Variants in CCDC68 observed in about 807,000 individuals in gnomAD.
The protein encoded by CCDC68 is coiled-coil domain-containing protein 68.
CCDC68 carries 45 observed loss-of-function variants against 47.1 expected under a neutral mutation model. That is an observed-to-expected ratio of 0.96 (90% CI 0.75 to 1.23). The LOEUF (loss-of-function observed/expected upper bound fraction) is 1.23. CCDC68 is among the 50% of genes most tolerant of loss of function. The probability of loss-of-function intolerance (pLI) is 0.00; values close to 1 mark genes in which losing one functional copy is unlikely to be tolerated. For missense variants in CCDC68, 353 were observed against 373.6 expected (o/e 0.94, Z 0.45); for synonymous variants, 131 against 129.5 (o/e 1.01, Z -0.08).
At chr18:54,932,475 GCCA>G (rs1249007597) in intron 7 of CCDC68, among the ~76,000 whole-genome samples, 1 of 152,086 alleles carries the variant, frequency 6.6e-6, no homozygotes, top group African/African-American at 2.4e-5. Flanking sequence ...ACAGGCGTGA[GCCA>G]CCACACCTGG....
chr18:54,959,422 C>T lies in CCDC68; in HGVS notation c.-189G>A, dbSNP rs530167986. 6 of 152,118 alleles carry T rather than the reference C, an allele frequency of 3.9e-5. No homozygotes were observed. Among genetic ancestry groups the T allele is most frequent in the African/African-American group, 1.4e-4 (6 of 41,518 alleles). 9.4% of individuals were successfully genotyped at this position (152,118 alleles called of 1,614,324 possible). A position where few individuals can be genotyped will look rare whatever the true frequency, so the allele number is the denominator to read the frequency against. ...TTGGGGCCAGGGTCGGCTGCCAGGG[C>T]CCTGCGAGTGCAGCCGCCACCGCCC... is the stretch of plus-strand genomic sequence containing the variant. On this transcript the variant is annotated 5_prime_UTR_variant, in exon 1 of 12. Transcript: ENST00000591504.
At chr18:54,931,981 CT>C (rs2044272384) in intron 7 of CCDC68, among the ~76,000 whole-genome samples, 1 of 152,062 alleles carries the variant, frequency 6.6e-6, no homozygotes, top group African/African-American at 2.4e-5. Context: ...GTTTTACTTT[CT>C]TTTTGAACTT....
At chr18:54,924,110 C>T (rs901923897) in intron 8 of CCDC68, among the ~76,000 whole-genome samples, 1 of 152,078 alleles carries the variant, frequency 6.6e-6, no homozygotes, top group African/African-American at 2.4e-5. Context: ...CTCTGCCTTC[C>T]AATGTCTCAA....
At chr18:54,952,799 G>C (rs1342681014) in intron 1 of CCDC68, among the ~76,000 whole-genome samples, 1 of 152,178 alleles carries the variant, frequency 6.6e-6, no homozygotes, top group Non-Finnish European at 1.5e-5. Flanking sequence ...GATCACCTGA[G>C]GTCAGGAGAT....
At position 54,934,854 on chromosome 18, in the gene CCDC68, G is replaced by A; in HGVS notation, c.566C>T (p.Thr189Ile). ...TCTCTGTACAAGGTTCTCCAATTCT[G>A]TAATTTGACTGTGTTTTTCTTCAAG... is the stretch of plus-strand genomic sequence containing the variant. ...EKLEEKHSQI[T>I]ELENLVQRME... The change falls in exon 7 of 12, where the codon ACA (threonine) becomes ATA (isoleucine). Residue 189 changes from threonine to isoleucine, a missense_variant. By Grantham distance (89) the Thr-to-Ile change is moderately conservative. Coordinates refer to ENST00000591504, the MANE Select transcript of CCDC68 (RefSeq NM_025214.3). 6.3e-7 allele frequency: 1 copy of A among 1,596,586 alleles called. No homozygotes were observed. Among genetic ancestry groups the A allele is most frequent in the Non-Finnish European group, 8.5e-7 (1 of 1,172,410 alleles).
chr18:54,908,728 C>T (rs938674969), intron 10 of CCDC68, among the ~76,000 whole-genome samples: 2 of 152,102 alleles, frequency 1.3e-5, no homozygotes, highest in Non-Finnish European at 2.9e-5. Context: ...AGTCGAAGTG[C>T]CTTTTTTTTT....
At chr18:54,950,897 CTTTT>C (rs869026740) in intron 1 of CCDC68, among the ~76,000 whole-genome samples, 50 of 61,950 alleles carry the variant, frequency 8.1e-4, no homozygotes, top group African/African-American at 3.1e-3. Context: ...ATTCAGATGT[CTTTT>C]TTTTTTTTTT....
chr18:54,926,776 A>G (rs2044152641), intron 8 of CCDC68, among the ~76,000 whole-genome samples: 1 of 152,232 alleles, frequency 6.6e-6, no homozygotes. Flanking sequence ...TTTGCTATGT[A>G]TGAGAATGTA....
intron 10 of CCDC68, among the ~76,000 whole-genome samples, chr18:54,910,632 G>A (rs1914303368): frequency 1.3e-5 from 2 of 152,226 alleles, no homozygotes; most frequent in South Asian, 2.1e-4. Flanking sequence ...TTCTGCTGTG[G>A]TTCATAGCAC....
intron 5 of CCDC68, 116 bp downstream of exon 5, chr18:54,937,841 G>T (rs1296131506): frequency 5.8e-6 from 4 of 693,278 alleles, no homozygotes; most frequent in Non-Finnish European, 9.0e-6. Context: ...GCATGCAGAT[G>T]GACCTATGGA....
intron 8 of CCDC68, among the ~76,000 whole-genome samples, chr18:54,924,525 T>C (rs1303817153): frequency 2.0e-5 from 3 of 152,174 alleles, no homozygotes; most frequent in Admixed American, 1.3e-4. Context: ...AGGAGGGAAT[T>C]GAGGATTCTC....
At chr18:54,952,277 T>C (rs113694744) in intron 1 of CCDC68, among the ~76,000 whole-genome samples, 2,260 of 152,308 alleles carry the variant, frequency 0.015, 55 homozygotes, top group African/African-American at 0.052. Context: ...ACTTGCAACA[T>C]TTACATGATG....
Position 54,942,690 on chromosome 18 carries a change from G to C in CCDC68, c.102C>G (p.Thr34=), listed in dbSNP as rs576593791. 34 of 1,587,830 alleles carry C rather than the reference G, an allele frequency of 2.1e-5. No homozygotes were observed. Among genetic ancestry groups the C allele is most frequent in the Non-Finnish European group, 2.8e-5 (32 of 1,161,474 alleles). The change falls in exon 3 of 12, where the codon ACC becomes ACG. Residue 34 remains threonine, a synonymous_variant. Coordinates refer to ENST00000591504, the MANE Select transcript of CCDC68 (RefSeq NM_025214.3). ...ACCCACATACCTTTTTCACATACTCGGTTTCTTCAATAATGTGAGCGGACG... is the reference window on the plus strand; with the variant it reads ...ACCCACATACCTTTTTCACATACTCCGTTTCTTCAATAATGTGAGCGGACG... ...ESTSAHIIEE[T]EYVKKIRTTL...
At chr18:54,946,814 C>G (rs1351714348) in intron 1 of CCDC68, among the ~76,000 whole-genome samples, 2 of 150,102 alleles carry the variant, frequency 1.3e-5, no homozygotes, top group Non-Finnish European at 2.9e-5. Flanking sequence ...GTGATAACAC[C>G]TAGAGATAGG....
intron 8 of CCDC68, among the ~76,000 whole-genome samples, chr18:54,924,099 G>A (rs1039169915): frequency 6.6e-6 from 1 of 152,180 alleles, no homozygotes; most frequent in Non-Finnish European, 1.5e-5. Context: ...TGGGATTCAT[G>A]CTCTGCCTTC....
intron 7 of CCDC68, among the ~76,000 whole-genome samples, chr18:54,934,490 T>G (rs2044311122): frequency 6.6e-6 from 1 of 152,186 alleles, no homozygotes; most frequent in South Asian, 2.1e-4. Flanking sequence ...TCCTAATAGA[T>G]GGACTTTGTG....
intron 1 of CCDC68, among the ~76,000 whole-genome samples, chr18:54,950,591 C>T (rs1320072353): frequency 6.6e-6 from 1 of 152,038 alleles, no homozygotes; most frequent in Non-Finnish European, 1.5e-5. Context: ...TTTGTATATA[C>T]ACATATATTA....
intron 6 of CCDC68, among the ~76,000 whole-genome samples, chr18:54,936,450 A>C (rs2091310258): frequency 1.3e-5 from 2 of 152,020 alleles, no homozygotes; most frequent in South Asian, 4.1e-4. Flanking sequence ...TTCTAGAGAC[A>C]AGGACACCCA....
intron 9 of CCDC68, 30 bp downstream of exon 9, chr18:54,919,241 T>A: frequency 1.3e-6 from 2 of 1,544,152 alleles, no homozygotes; most frequent in East Asian, 4.5e-5. Context: ...ACATACTGTC[T>A]ACCAGATAAA....
Sources: allele counts gnomAD v4.1 joint callset (sites outside exome capture counted in the v4.1 genomes callset), GRCh38; gene constraint gnomAD v4.1.1; transcripts MANE v1.5; gene names NCBI Gene and HGNC (gene_info 2026-07-23, HGNC 2026-07-21).